The following RIMS1 variants were observed in gnomAD, a reference collection of about 807,000 sequenced individuals.
RIMS1 encodes regulating synaptic membrane exocytosis protein 1.
RIMS1 carries 83 observed loss-of-function variants against 214.1 expected under a neutral mutation model. The ratio of observed to expected loss-of-function variants is 0.39; its 90% CI spans 0.32 to 0.47. The LOEUF is 0.47. Ranked by LOEUF, RIMS1 falls within the 20% of genes least tolerant of loss-of-function variation. The pLI, the probability that RIMS1 is intolerant of heterozygous loss-of-function variation, is 0.99. For synonymous variants in RIMS1, 793 were observed against 786.8 expected (o/e 1.01, Z -0.13); for missense variants, 2,050 against 2,161.8 (o/e 0.95, Z 1.03).
chr6:71,973,471 C>A (rs1796393966), intron 2 of RIMS1, among the ~76,000 whole-genome samples: 1 of 152,154 alleles, frequency 6.6e-6, no homozygotes. Context: ...GTGTGCCTTT[C>A]ATGGAATAGT....
chr6:72,042,022 G>T (rs1285966771), intron 2 of RIMS1, among the ~76,000 whole-genome samples: 1 of 151,928 alleles, frequency 6.6e-6, no homozygotes, highest in Non-Finnish European at 1.5e-5. Context: ...ATTTACATTT[G>T]TATCTGAGAA....
rs961149314 is a variant in RIMS1 at position 72,258,896 on chromosome 6, A to G, written c.2928-90A>G. On this transcript the variant is annotated intron_variant, in intron 17 of 33. Transcript: ENST00000521978. ...CAAATACTTTTCAGTGTTTATTTGCATATTACTCTCAGTTCCTTCACTTTA... is the reference window on the plus strand; with the variant it reads ...CAAATACTTTTCAGTGTTTATTTGCGTATTACTCTCAGTTCCTTCACTTTA... The G allele has an allele frequency of 7.6e-6, 9 of 1,191,986 alleles. No individual in the cohort carries two copies. In the Admixed American group the frequency reaches 1.2e-4, roughly 16 times the overall value. The allele number at this position is 1,191,986 out of a possible 1,614,324, so 73.8% of individuals were successfully genotyped here.
At chr6:71,909,218 A>C (rs902205579) in intron 1 of RIMS1, among the ~76,000 whole-genome samples, 1 of 152,154 alleles carries the variant, frequency 6.6e-6, no homozygotes, top group Admixed American at 6.5e-5. Flanking sequence ...GCTGGTCTCA[A>C]ACTCTTGACC....
At chr6:72,272,618 T>C (rs2154190556) in intron 22 of RIMS1, among the ~76,000 whole-genome samples, 1 of 152,288 alleles carries the variant, frequency 6.6e-6, no homozygotes, top group Non-Finnish European at 1.5e-5. Flanking sequence ...TTCATAATTA[T>C]GCCATTTTTA....
chr6:72,353,551 A>G (rs2097534754), intron 29 of RIMS1, among the ~76,000 whole-genome samples: 1 of 152,230 alleles, frequency 6.6e-6, no homozygotes, highest in Non-Finnish European at 1.5e-5. Flanking sequence ...ATAAAACAAA[A>G]CAGAACAAAA....
intron 2 of RIMS1, among the ~76,000 whole-genome samples, chr6:72,064,810 G>A (rs768629379): frequency 2.6e-5 from 4 of 152,196 alleles, no homozygotes; most frequent in African/African-American, 9.6e-5. Flanking sequence ...GCGGGGTTCT[G>A]TTTGAAAGAA....
Position 72,290,088 on chromosome 6 carries a change from G to T in RIMS1, c.3555-591G>T, listed in dbSNP as rs1002363158. Among the ~76,000 whole-genome samples, 3 of 152,118 alleles carry T rather than the reference G, an allele frequency of 2.0e-5. No homozygotes were observed. The East Asian group carries it at 5.8e-4, about 29-fold the overall frequency. ...TTCAGCCATTTATATTTAATCAGAT[G>T]TATAATTAATGGAGCATTCTCCACC... is the stretch of plus-strand genomic sequence containing the variant. On this transcript the variant is annotated intron_variant, in intron 24 of 33. Transcript: ENST00000521978.
At chr6:72,235,875 GA>G (rs1167973455) in intron 8 of RIMS1, 147 bp downstream of exon 8, 17 of 374,194 alleles carry the variant, frequency 4.5e-5, no homozygotes, top group African/African-American at 3.8e-4. Context: ...TAGGAAAATT[GA>G]ATAAAATTTA....
intron 4 of RIMS1, among the ~76,000 whole-genome samples, chr6:72,162,200 G>A (rs2045540988): frequency 7.1e-6 from 1 of 140,488 alleles, no homozygotes; most frequent in South Asian, 2.4e-4. Flanking sequence ...TCAGAGACCA[G>A]GATTGCAACC....
chr6:72,008,840 T>C lies in RIMS1; in HGVS notation c.245+39777T>C, dbSNP rs962983496. Among the ~76,000 whole-genome samples the C allele has an allele frequency of 3.5e-3, 540 of 152,232 alleles. 2 individuals are homozygous for C. Among genetic ancestry groups the C allele is most frequent in the Non-Finnish European group, 5.6e-3 (381 of 68,014 alleles). On this transcript the variant is annotated intron_variant, in intron 2 of 33. Transcript: ENST00000521978. ...TTCATAAAGCAAGTCCTTAGAGACC[T>C]ACAAAGAGACTTAGACTCCCACACA...
At chr6:72,048,625 G>C (rs754858048) in intron 2 of RIMS1, among the ~76,000 whole-genome samples, 13 of 152,166 alleles carry the variant, frequency 8.5e-5, no homozygotes, top group Non-Finnish European at 1.8e-4. Flanking sequence ...TGGACCTGGT[G>C]GATGAGGTGT....
intron 1 of RIMS1, among the ~76,000 whole-genome samples, chr6:71,966,404 C>T (rs1279036572): frequency 6.6e-6 from 1 of 152,154 alleles, no homozygotes. Flanking sequence ...CAGAAAGATT[C>T]TATAACATAC....
At chr6:72,112,021 A>G (rs1587272131) in intron 4 of RIMS1, among the ~76,000 whole-genome samples, 1 of 152,198 alleles carries the variant, frequency 6.6e-6, no homozygotes, top group African/African-American at 2.4e-5. Flanking sequence ...TAAGCATCTC[A>G]AATTTAATGT....
At chr6:72,239,671 T>C (rs2065858742) in intron 9 of RIMS1, among the ~76,000 whole-genome samples, 1 of 152,214 alleles carries the variant, frequency 6.6e-6, no homozygotes, top group Non-Finnish European at 1.5e-5. Context: ...CTGTGCACTC[T>C]ACTGCTACTT....
intron 22 of RIMS1, among the ~76,000 whole-genome samples, chr6:72,269,638 A>G (rs1392881700): frequency 6.6e-6 from 1 of 152,066 alleles, no homozygotes; most frequent in East Asian, 1.9e-4. Flanking sequence ...ATCTGCAACT[A>G]CTTCTCTTCC....
At chr6:72,243,967 G>A (rs4327651) in intron 10 of RIMS1, among the ~76,000 whole-genome samples, 105,864 of 150,018 alleles carry the variant, frequency 0.71, 38,120 homozygotes, top group East Asian at 0.98. Flanking sequence ...AATTTTAGCT[G>A]CTTTTTTTTT....
At chr6:72,070,613 G>A (rs772679472) in intron 2 of RIMS1, among the ~76,000 whole-genome samples, 7 of 152,132 alleles carry the variant, frequency 4.6e-5, no homozygotes, top group Non-Finnish European at 8.8e-5. Context: ...AACCTGTGCT[G>A]TACGTAAGAG....
intron 9 of RIMS1, among the ~76,000 whole-genome samples, chr6:72,241,452 CT>C (rs1186472660): frequency 6.6e-6 from 1 of 152,012 alleles, no homozygotes; most frequent in East Asian, 1.9e-4. Context: ...AAAATAAATA[CT>C]TTTTTTCACG....
intron 2 of RIMS1, among the ~76,000 whole-genome samples, chr6:71,978,171 G>C (rs1424029609): frequency 6.6e-6 from 1 of 152,110 alleles, no homozygotes; most frequent in Admixed American, 6.6e-5. Context: ...ATGCTTAAGA[G>C]GGTCACTGTT....
Sources: gnomAD v4.1 joint callset for allele counts (sites outside exome capture counted in the v4.1 genomes callset) on GRCh38, gnomAD v4.1.1 for gene constraint, MANE v1.5 for transcripts, NCBI Gene and HGNC (gene_info 2026-07-23, HGNC 2026-07-21) for gene names.